ARHGAP29: variants seen among roughly 807,000 people sequenced by gnomAD.
ARHGAP29 encodes the protein rho GTPase-activating protein 29.
A neutral mutation model predicts 122.6 loss-of-function variants in ARHGAP29; 43 were observed. That is an observed-to-expected ratio of 0.35 (90% CI 0.27 to 0.45). The LOEUF (loss-of-function observed/expected upper bound fraction) is 0.45, where lower values mean the gene tolerates loss of function less well. Among genes scored for constraint, ARHGAP29 ranks in the 20% least tolerant of loss-of-function variants. The probability of loss-of-function intolerance (pLI) is 1.00; values close to 1 mark genes in which losing one functional copy is unlikely to be tolerated. For synonymous variants in ARHGAP29, 506 were observed against 497.1 expected, an observed-to-expected ratio of 1.02 and a Z score of -0.24; for missense variants, 1,303 against 1,477.2, an observed-to-expected ratio of 0.88 and a Z score of 1.93.
chr1:94,194,227 T>A lies in ARHGAP29; in HGVS notation c.1282-4144A>T, dbSNP rs1650304465. 3.3e-5 allele frequency: 5 copies of A among 152,232 alleles called. No individual in the cohort carries two copies. The South Asian group carries it at 1.0e-3, about 31-fold the overall frequency. 9.4% of individuals were successfully genotyped at this position (152,232 alleles called of 1,614,324 possible). ...TTTTCATAAAACTCTGGAAGCCACA[T>A]TAAATGCTCGGCTTCTTCAACAGTT... On this transcript the variant is annotated intron_variant, in intron 12 of 22. Transcript: ENST00000260526.
At chr1:94,180,586 T>C (rs561728816) in intron 19 of ARHGAP29, among the ~76,000 whole-genome samples, 1 of 152,316 alleles carries the variant, frequency 6.6e-6, no homozygotes, top group Non-Finnish European at 1.5e-5. Flanking sequence ...ATGTCCTATT[T>C]TATCTGTGGT....
At chr1:94,251,874 T>G (rs1000294602) in intron 1 of ARHGAP29, among the ~76,000 whole-genome samples, 2 of 152,234 alleles carry the variant, frequency 1.3e-5, no homozygotes, top group Admixed American at 6.5e-5. Flanking sequence ...CTCTACTGAC[T>G]TGATATAGAT....
the ARHGAP29 span, among the ~76,000 whole-genome samples, chr1:94,305,822 T>C: frequency 6.6e-6 from 1 of 152,228 alleles, no homozygotes; most frequent in African/African-American, 2.4e-5. Context: ...CAAGTTTATT[T>C]TCACTGTCTT....
intron 2 of ARHGAP29, among the ~76,000 whole-genome samples, chr1:94,222,047 G>A (rs1652329390): frequency 6.6e-6 from 1 of 151,398 alleles, no homozygotes; most frequent in African/African-American, 2.4e-5. Context: ...AGGTGCACAG[G>A]AACCAACTGA....
intron 1 of ARHGAP29, among the ~76,000 whole-genome samples, chr1:94,261,156 A>G (rs1654544206): frequency 6.6e-6 from 1 of 152,178 alleles, no homozygotes; most frequent in Admixed American, 6.5e-5. Context: ...TTAGACATCA[A>G]CACTTGGAAA....
the ARHGAP29 span, among the ~76,000 whole-genome samples, chr1:94,290,781 TGAGA>T: frequency 2.6e-5 from 4 of 152,234 alleles, no homozygotes; most frequent in South Asian, 8.3e-4. Flanking sequence ...CACTGTGGTC[TGAGA>T]GAGAGTTTGT....
chr1:94,169,638 G>A lies in ARHGAP29; in HGVS notation c.*4231C>T, dbSNP rs151267917. On this transcript the variant is annotated 3_prime_UTR_variant, in exon 23 of 23. Coordinates refer to ENST00000260526, the MANE Select transcript of ARHGAP29 (RefSeq NM_004815.4). ...TATTCTTGAATGTGTGTAGACACAC[G>A]TTTTCCTTTGAGCTGTTCACCAATA... 1.9e-3 allele frequency among the ~76,000 whole-genome samples: 296 copies of A among 152,270 alleles called. 2 individuals carry two copies. The highest frequency in any genetic ancestry group is 6.8e-3 in the African/African-American group (283 of 41,564).
intron 1 of ARHGAP29, among the ~76,000 whole-genome samples, chr1:94,266,150 C>G (rs981066379): frequency 1.3e-5 from 2 of 152,174 alleles, no homozygotes; most frequent in African/African-American, 4.8e-5. Context: ...GAAGAGCTGG[C>G]CTTTCTACAG....
chr1:94,311,364 T>G, the ARHGAP29 span, among the ~76,000 whole-genome samples: 31 of 152,258 alleles, frequency 2.0e-4, 1 homozygote, highest in African/African-American at 5.8e-4. Flanking sequence ...TTTTCTTCTC[T>G]CCCTCTCTCT....
intron 19 of ARHGAP29, among the ~76,000 whole-genome samples, chr1:94,182,950 C>T (rs574201599): frequency 9.9e-5 from 15 of 152,162 alleles, no homozygotes; most frequent in South Asian, 8.3e-4. Flanking sequence ...AAATCCAGTA[C>T]AAAATTATAG....
Position 94,172,612 on chromosome 1 carries a change from G to GATATATATATATATATAT in ARHGAP29, c.*1239_*1256dup, listed in dbSNP as rs55712972. 3 of 145,058 alleles carry GATATATATATATATATAT rather than the reference G, an allele frequency of 2.1e-5. No homozygotes were observed. The highest frequency in any genetic ancestry group is 2.0e-4 in the East Asian group (1 of 5,018). 9.0% of individuals were successfully genotyped at this position (145,058 alleles called of 1,614,324 possible). A position where few individuals can be genotyped will look rare whatever the true frequency, so the allele number is the denominator to read the frequency against. ...GGAACATGAAATAATTTAACAAGTT[G>GATATATATATATATATAT]ATATATATATATATATATATTATCA... On this transcript the variant is annotated 3_prime_UTR_variant, in exon 23 of 23. Coordinates refer to ENST00000260526, the MANE Select transcript of ARHGAP29 (RefSeq NM_004815.4).
chr1:94,284,276 T>A, the ARHGAP29 span, among the ~76,000 whole-genome samples: 1 of 152,234 alleles, frequency 6.6e-6, no homozygotes, highest in African/African-American at 2.4e-5. Context: ...GAATTTAAAT[T>A]GAAATAGCTA....
intron 3 of ARHGAP29, among the ~76,000 whole-genome samples, chr1:94,211,774 CT>C (rs1257956635): frequency 1.3e-5 from 2 of 152,068 alleles, no homozygotes; most frequent in Admixed American, 6.5e-5. Context: ...TATTATTATA[CT>C]TTAAGTTTTA....
At chr1:94,278,287 C>G (rs921520798), upstream of ARHGAP29, among the ~76,000 whole-genome samples, 4 of 152,004 alleles carry the variant, frequency 2.6e-5, no homozygotes, top group Non-Finnish European at 5.9e-5. Context: ...GCGCCGCATT[C>G]CAGCGTAGGC....
Position 94,231,538 on chromosome 1 carries a change from G to T in ARHGAP29, c.74C>A (p.Thr25Lys). Residue 25 changes from threonine to lysine, a missense_variant, in exon 2 of 23, where the codon ACA (threonine) becomes AAA (lysine). Transcript: ENST00000260526. ...GGACTTGAGCCCCATTTCAGAAGTTGTAATATCAGTAGAGAGTTGACCTGA... is the reference window on the plus strand; with the variant it reads ...GGACTTGAGCCCCATTTCAGAAGTTTTAATATCAGTAGAGAGTTGACCTGA... ...WASGQLSTDI[T>K]TSEMGLKSLS... is the part of the protein sequence containing the mutation. 6.2e-7 allele frequency: 1 copy of T among 1,613,820 alleles called. No individual in the cohort carries two copies. The highest frequency in any genetic ancestry group is 8.5e-7 in the Non-Finnish European group (1 of 1,179,768).
At chr1:94,229,037 A>T (rs1268786932) in intron 2 of ARHGAP29, among the ~76,000 whole-genome samples, 1 of 151,860 alleles carries the variant, frequency 6.6e-6, no homozygotes, top group African/African-American at 2.4e-5. Context: ...CCTCTTAAGG[A>T]GACAATACAC....
upstream of ARHGAP29, among the ~76,000 whole-genome samples, chr1:94,279,907 C>A (rs896786778): frequency 6.6e-6 from 1 of 152,028 alleles, no homozygotes; most frequent in Non-Finnish European, 1.5e-5. Context: ...CTTTTTTTTA[C>A]AGCATATTCC....
chr1:94,220,402 GAA>G lies in ARHGAP29; in HGVS notation c.206-12_206-11del. Reference sequence around the variant, plus strand: ...ACTTCTTTAAAACAGTCTTTAAAAAGAAAAAAAAATAATTTATTTCCAGAGCA... The same window carrying G: ...ACTTCTTTAAAACAGTCTTTAAAAAGAAAAAAATAATTTATTTCCAGAGCA... On this transcript the variant is annotated splice_polypyrimidine_tract_variant and intron_variant, in intron 2 of 22. Transcript: ENST00000260526. 6.5e-7 allele frequency: 1 copy of G among 1,536,238 alleles called. No individual in the cohort carries two copies. The highest frequency in any genetic ancestry group is 8.8e-7 in the Non-Finnish European group (1 of 1,139,812).
At chr1:94,288,300 G>A in the ARHGAP29 span, among the ~76,000 whole-genome samples, 1 of 152,170 alleles carries the variant, frequency 6.6e-6, no homozygotes, top group African/African-American at 2.4e-5. Flanking sequence ...GTGTTTTTTT[G>A]AGAAGTGTCT....
Sources: gnomAD v4.1 joint callset for allele counts (sites outside exome capture counted in the v4.1 genomes callset) on GRCh38, gnomAD v4.1.1 for gene constraint, MANE v1.5 for transcripts, NCBI Gene and HGNC (gene_info 2026-07-23, HGNC 2026-07-21) for gene names.